ASH1L: variants seen among roughly 807,000 people sequenced by gnomAD.
ASH1L encodes the protein ASH1 like histone lysine methyltransferase, also known as histone-lysine N-methyltransferase ASH1L.
In ASH1L, 23 loss-of-function variants were observed where a neutral mutation model predicts 269.0. That is an observed-to-expected ratio of 0.09 (90% CI 0.06 to 0.12). ASH1L has a LOEUF of 0.12. ASH1L is among the 10% of genes least tolerant of loss of function. The pLI is 1.00. For missense variants in ASH1L, 2,912 were observed against 3,567.8 expected (o/e 0.82, Z 4.68); for synonymous variants, 1,187 against 1,253.5 (o/e 0.95, Z 1.12).
At chr1:155,496,667 C>G (rs1667175995) in intron 2 of ASH1L, among the ~76,000 whole-genome samples, 3 of 152,208 alleles carry the variant, frequency 2.0e-5, no homozygotes, top group South Asian at 4.1e-4. Flanking sequence ...GAGGTGGAGT[C>G]TTGCTCTGTC....
intron 1 of ASH1L, among the ~76,000 whole-genome samples, chr1:155,538,590 C>T (rs1368671573): frequency 6.6e-6 from 1 of 151,476 alleles, no homozygotes; most frequent in Admixed American, 6.6e-5. Flanking sequence ...GATCTGCCCG[C>T]CTCGGCCTTC....
intron 1 of ASH1L, among the ~76,000 whole-genome samples, chr1:155,552,954 A>C (rs1053499693): frequency 1.1e-4 from 16 of 152,254 alleles, no homozygotes; most frequent in Non-Finnish European, 1.8e-4. Flanking sequence ...TATACATATC[A>C]TCTCGTAGAA....
At chr1:155,360,957 C>T (rs1257487123) in intron 12 of ASH1L, among the ~76,000 whole-genome samples, 1 of 151,872 alleles carries the variant, frequency 6.6e-6, no homozygotes, top group Non-Finnish European at 1.5e-5. Context: ...AGTTCAAGAC[C>T]AGACCAGGCG....
intron 4 of ASH1L, among the ~76,000 whole-genome samples, chr1:155,447,473 G>A (rs567108468): frequency 9.9e-5 from 15 of 152,176 alleles, no homozygotes; most frequent in African/African-American, 2.4e-4. Flanking sequence ...CAGGCAATCC[G>A]CATGCCTCAG....
At chr1:155,341,591 G>C (rs1652825982) in intron 25 of ASH1L, among the ~76,000 whole-genome samples, 1 of 152,082 alleles carries the variant, frequency 6.6e-6, no homozygotes, top group Non-Finnish European at 1.5e-5. Flanking sequence ...CAATGAGAGA[G>C]AGGAAAAAAA....
At chr1:155,501,817 C>T (rs949791288) in intron 2 of ASH1L, among the ~76,000 whole-genome samples, 1 of 152,062 alleles carries the variant, frequency 6.6e-6, no homozygotes, top group Non-Finnish European at 1.5e-5. Context: ...CACACGCCAC[C>T]ATGCCCAGCT....
At chr1:155,504,100 G>A (rs1667669840) in intron 2 of ASH1L, among the ~76,000 whole-genome samples, 1 of 152,172 alleles carries the variant, frequency 6.6e-6, no homozygotes, top group Non-Finnish European at 1.5e-5. Flanking sequence ...TATTAAGTAG[G>A]CCCTGGATGA....
rs368800129 is a variant in ASH1L at position 155,411,586 on chromosome 1, A to AATATATATATATATATATATATATAT, written c.6008+4132_6008+4157dup. Among the ~76,000 whole-genome samples, 99 of 55,028 alleles carry AATATATATATATATATATATATATAT rather than the reference A, an allele frequency of 1.8e-3. 2 individuals carry two copies. The highest frequency in any genetic ancestry group is 2.6e-3 in the South Asian group (3 of 1,176). The allele number at this position is 55,028 out of a possible 152,430, so 36.1% of individuals were successfully genotyped here. A position where few individuals can be genotyped will look rare whatever the true frequency, so the allele number is the denominator to read the frequency against. ...AAATATGAATATAAATAAATAAATA[A>AATATATATATATATATATATATATAT]ATATATATATATATATATATATATA... On this transcript the variant is annotated intron_variant, in intron 6 of 27. Coordinates refer to ENST00000392403, the MANE Select transcript of ASH1L (RefSeq NM_018489.3).
intron 2 of ASH1L, among the ~76,000 whole-genome samples, chr1:155,498,324 A>C (rs1356506079): frequency 6.6e-6 from 1 of 152,028 alleles, no homozygotes; most frequent in South Asian, 2.1e-4. Context: ...TGAGGGCTGC[A>C]AAACAATGTA....
At chr1:155,445,781 ATTC>A (rs778665791) in intron 4 of ASH1L, among the ~76,000 whole-genome samples, 1 of 152,078 alleles carries the variant, frequency 6.6e-6, no homozygotes, top group East Asian at 1.9e-4. Flanking sequence ...TCTCCCACTT[ATTC>A]TTCAATTTTT....
intron 4 of ASH1L, among the ~76,000 whole-genome samples, chr1:155,447,197 C>G (rs767924811): frequency 6.6e-6 from 1 of 152,128 alleles, no homozygotes. Context: ...TCTGCAAACA[C>G]CCTGTAATGG....
At chr1:155,388,434 G>A (rs73008975) in intron 7 of ASH1L, among the ~76,000 whole-genome samples, 3 of 151,408 alleles carry the variant, frequency 2.0e-5, no homozygotes, top group African/African-American at 4.8e-5. Flanking sequence ...TGGACCACAG[G>A]TGCATGTCAC....
At chr1:155,499,088 A>G (rs1667343347) in intron 2 of ASH1L, among the ~76,000 whole-genome samples, 1 of 152,158 alleles carries the variant, frequency 6.6e-6, no homozygotes, top group Admixed American at 6.6e-5. Context: ...TATATTCCAC[A>G]CTGAAGCCCC....
intron 7 of ASH1L, among the ~76,000 whole-genome samples, chr1:155,381,451 G>A (rs981134208): frequency 6.6e-6 from 1 of 152,154 alleles, no homozygotes; most frequent in Non-Finnish European, 1.5e-5. Flanking sequence ...TCAGGAGGCT[G>A]AGGCAGGAGA....
chr1:155,385,064 G>A (rs1013208801), intron 7 of ASH1L, among the ~76,000 whole-genome samples: 15 of 19,006 alleles, frequency 7.9e-4, no homozygotes, highest in Non-Finnish European at 1.1e-3. Context: ...ATCTCTGAAT[G>A]TATTTTTTTT....
rs187045990 is a variant in ASH1L, at chr1:155,345,025, C to T, written c.7891-752G>A. On this transcript the variant is annotated intron_variant, in intron 21 of 27. Transcript: ENST00000392403. ...AGGCTGGGGTGCAGTGGTGCGATCT[C>T]GACCCACTGCAACTTCCGCCTCCAG... is the stretch of plus-strand genomic sequence containing the variant. Among the ~76,000 whole-genome samples, 580 of 151,842 alleles carry T rather than the reference C, an allele frequency of 3.8e-3. 1 individual carries two copies. The highest frequency in any genetic ancestry group is 4.9e-3 in the Non-Finnish European group (334 of 67,936).
chr1:155,440,265 G>A (rs149959580), intron 4 of ASH1L, among the ~76,000 whole-genome samples: 51 of 152,076 alleles, frequency 3.4e-4, no homozygotes, highest in African/African-American at 1.2e-3. Context: ...CTATGATCAC[G>A]CCACTGCATT....
At chr1:155,489,583 C>A (rs967243449) in intron 2 of ASH1L, among the ~76,000 whole-genome samples, 1 of 151,562 alleles carries the variant, frequency 6.6e-6, no homozygotes, top group Non-Finnish European at 1.5e-5. Context: ...ACAGTGAAAC[C>A]CCGTCTTTAC....
intron 12 of ASH1L, among the ~76,000 whole-genome samples, chr1:155,361,032 G>C (rs1206811152): frequency 6.6e-6 from 1 of 151,634 alleles, no homozygotes; most frequent in Non-Finnish European, 1.5e-5. Flanking sequence ...CCTGAGGTCG[G>C]GAGTTTGAGA....
Sources: gnomAD v4.1 joint callset for allele counts (sites outside exome capture counted in the v4.1 genomes callset) on GRCh38, gnomAD v4.1.1 for gene constraint, MANE v1.5 for transcripts, NCBI Gene and HGNC (gene_info 2026-07-23, HGNC 2026-07-21) for gene names.